The following PKD2L1 variants were observed in gnomAD, a reference collection of about 807,000 sequenced individuals.
The protein encoded by PKD2L1 is polycystin 2 like 1, transient receptor potential cation channel.
In PKD2L1, 77 loss-of-function variants were observed where a neutral mutation model predicts 93.0. The ratio of observed to expected loss-of-function variants is 0.83; its 90% CI spans 0.69 to 1.00. PKD2L1 has a LOEUF of 1.00. PKD2L1 is among the 50% of genes least tolerant of loss of function. PKD2L1 has a pLI of 0.00. For missense variants in PKD2L1, 977 were observed against 990.9 expected, an observed-to-expected ratio of 0.99 and a Z score of 0.19; for synonymous variants, 390 against 388.0, an observed-to-expected ratio of 1.01 and a Z score of -0.06.
intron 2 of PKD2L1, among the ~76,000 whole-genome samples, chr10:100,315,359 T>G (rs889890358): frequency 4.6e-5 from 7 of 152,056 alleles, no homozygotes; most frequent in Admixed American, 2.0e-4. Context: ...GCTGCACCTA[T>G]CGACTCATCA....
At chr10:100,308,634 C>T (rs1848862293) in intron 2 of PKD2L1, among the ~76,000 whole-genome samples, 1 of 152,092 alleles carries the variant, frequency 6.6e-6, no homozygotes, top group Admixed American at 6.6e-5. Flanking sequence ...TGCGCCAGGC[C>T]CCAGAATGGT....
intron 4 of PKD2L1, among the ~76,000 whole-genome samples, chr10:100,297,811 T>C (rs12781019): frequency 0.11 from 17,232 of 151,508 alleles, 1,037 homozygotes; most frequent in Admixed American, 0.14. Flanking sequence ...TAACAACCAT[T>C]TGAGAAGGGA....
intron 4 of PKD2L1, 83 bp downstream of exon 4, chr10:100,298,479 A>T: frequency 7.1e-7 from 1 of 1,406,292 alleles, no homozygotes; most frequent in Non-Finnish European, 9.8e-7. Flanking sequence ...TTTAAGCCTC[A>T]GTGGAAGTGG....
At chr10:100,311,974 C>T (rs1848944805) in intron 2 of PKD2L1, among the ~76,000 whole-genome samples, 1 of 152,146 alleles carries the variant, frequency 6.6e-6, no homozygotes, top group Admixed American at 6.5e-5. Context: ...ACCCCCATTC[C>T]CTCCCCTGAC....
intron 2 of PKD2L1, among the ~76,000 whole-genome samples, chr10:100,308,149 C>G (rs1031618743): frequency 6.6e-6 from 1 of 151,978 alleles, no homozygotes; most frequent in African/African-American, 2.4e-5. Flanking sequence ...TCTGTACACA[C>G]TATATCATGC....
In PKD2L1 at chr10:100,297,641, AG is replaced by A. The variant is rs762223084; in HGVS notation, c.732-36del. 3 of 1,521,844 alleles carry A rather than the reference AG, an allele frequency of 2.0e-6. No individual in the cohort carries two copies. The South Asian group carries it at 3.4e-5, about 17-fold the overall frequency. The allele number at this position is 1,521,844 out of a possible 1,614,324, so 94.3% of individuals were successfully genotyped here. A position where few individuals can be genotyped will look rare whatever the true frequency, so the allele number is the denominator to read the frequency against. On this transcript the variant is annotated intron_variant, in intron 4 of 15. Transcript: ENST00000318222. ...AAAATGCCAGCTGAGCCAGCCCAAA[AG>A]TTCATCTCCCAAGGCAATGGCAATG...
intron 11 of PKD2L1, 124 bp from the exon 12 acceptor site, chr10:100,291,551 A>T: frequency 1.1e-6 from 1 of 928,914 alleles, no homozygotes; most frequent in Non-Finnish European, 1.6e-6. Context: ...GGTTCTCCAA[A>T]GTCTAGCAAT....
intron 9 of PKD2L1, among the ~76,000 whole-genome samples, chr10:100,293,583 T>C (rs1300343347): frequency 6.6e-6 from 1 of 152,194 alleles, no homozygotes; most frequent in African/African-American, 2.4e-5. Flanking sequence ...ATCATGCTTC[T>C]TGACCAACCT....
At position 100,297,513 on chromosome 10, in the gene PKD2L1, T is replaced by C. The variant is rs1458336520; in HGVS notation, c.825A>G (p.Pro275=). Residue 275 remains proline (P), a synonymous_variant, in exon 5 of 16, where the codon CCA becomes CCG. Coordinates refer to ENST00000318222, the MANE Select transcript of PKD2L1 (RefSeq NM_016112.3). ...YSGGGYYLDL[P]GSRQGSAEAL... ...CCTCTGCACTACCCTGTCGGGATCC[T>C]GGAAGGTCCAGGTAGTAGCCACCTC... 1.2e-6 allele frequency: 2 copies of C among 1,614,022 alleles called. No homozygotes were observed. Among genetic ancestry groups the C allele is most frequent in the Middle Eastern group, 1.6e-4 (1 of 6,084 alleles).
intron 9 of PKD2L1, 144 bp downstream of exon 9, chr10:100,294,391 T>G: frequency 1.2e-6 from 1 of 839,342 alleles, no homozygotes. Flanking sequence ...ATTAACCATC[T>G]CTCAGAAGAT....
intron 2 of PKD2L1, among the ~76,000 whole-genome samples, chr10:100,315,806 C>T (rs764856924): frequency 4.6e-5 from 7 of 152,250 alleles, no homozygotes; most frequent in Non-Finnish European, 7.3e-5. Flanking sequence ...AGTTGGCTGG[C>T]GCTACCTCCT....
intron 7 of PKD2L1, 76 bp downstream of exon 7, chr10:100,296,046 A>G: frequency 7.1e-7 from 1 of 1,401,966 alleles, no homozygotes. Context: ...AAAAAAAAAA[A>G]AAGAAAAAAA....
chr10:100,327,533 A>G (rs1033977716), intron 2 of PKD2L1, among the ~76,000 whole-genome samples: 3 of 152,140 alleles, frequency 2.0e-5, no homozygotes, highest in African/African-American at 7.2e-5. Context: ...AACTCTGGGG[A>G]GCTAGAAACA....
intron 11 of PKD2L1, among the ~76,000 whole-genome samples, chr10:100,291,795 T>C (rs1284155414): frequency 6.6e-6 from 1 of 152,186 alleles, no homozygotes; most frequent in Non-Finnish European, 1.5e-5. Flanking sequence ...ATGTGCCTTC[T>C]TGAAATCCCT....
At chr10:100,295,990 C>G in intron 7 of PKD2L1, 132 bp downstream of exon 7, 1 of 712,708 alleles carries the variant, frequency 1.4e-6, no homozygotes, top group Non-Finnish European at 2.2e-6. Flanking sequence ...GAGCCAAGAT[C>G]GCCCCCACTT....
chr10:100,290,374 G>A (rs1411319106), intron 13 of PKD2L1, 27 bp downstream of exon 13: 1 of 1,495,380 alleles, frequency 6.7e-7, no homozygotes, highest in African/African-American at 1.4e-5. Context: ...TGCCAGCCCT[G>A]AACCAGCCTT....
chr10:100,290,758 T>G (rs1036514277), intron 12 of PKD2L1, among the ~76,000 whole-genome samples: 1 of 152,168 alleles, frequency 6.6e-6, no homozygotes, highest in African/African-American at 2.4e-5. Context: ...GGATGAGGTA[T>G]TTACTAGAGG....
intron 2 of PKD2L1, among the ~76,000 whole-genome samples, chr10:100,311,984 C>T (rs1848945118): frequency 6.6e-6 from 1 of 152,212 alleles, no homozygotes; most frequent in Non-Finnish European, 1.5e-5. Flanking sequence ...CCTCCCCTGA[C>T]AGTCACTCCT....
chr10:100,303,494 A>G (rs1848733113), intron 2 of PKD2L1, among the ~76,000 whole-genome samples: 1 of 152,154 alleles, frequency 6.6e-6, no homozygotes, highest in Admixed American at 6.5e-5. Flanking sequence ...CACATCAAAC[A>G]TTTTAAAAGT....
Sources: gnomAD v4.1 joint callset for allele counts (sites outside exome capture counted in the v4.1 genomes callset) on GRCh38, gnomAD v4.1.1 for gene constraint, MANE v1.5 for transcripts, NCBI Gene and HGNC (gene_info 2026-07-23, HGNC 2026-07-21) for gene names.